Variants in GPHN observed in about 807,000 individuals in gnomAD.
GPHN encodes gephyrin.
GPHN carries 17 observed loss-of-function variants against 95.5 expected under a neutral mutation model. The observed-to-expected ratio is 0.18, with a 90% CI of 0.12 to 0.27. The LOEUF is 0.27. Among genes scored for constraint, GPHN ranks in the 10% least tolerant of loss-of-function variants. GPHN has a pLI of 1.00. For synonymous variants in GPHN, 320 were observed against 322.5 expected (o/e 0.99, Z 0.08); for missense variants, 660 against 978.1 (o/e 0.67, Z 4.34).
At chr14:66,598,520 C>T (rs924682121) in intron 1 of GPHN, among the ~76,000 whole-genome samples, 4 of 152,116 alleles carry the variant, frequency 2.6e-5, no homozygotes, top group African/African-American at 9.7e-5. Context: ...TTCACCTCCA[C>T]TTCTGTCCCT....
the GPHN span, among the ~76,000 whole-genome samples, chr14:67,655,164 A>AC: frequency 6.6e-6 from 1 of 151,628 alleles, no homozygotes; most frequent in African/African-American, 2.4e-5. Context: ...ACATAATGAG[A>AC]CCCCGTTTTT....
chr14:67,440,402 C>A, the GPHN span, among the ~76,000 whole-genome samples: 4 of 152,098 alleles, frequency 2.6e-5, no homozygotes, highest in South Asian at 8.3e-4. Flanking sequence ...TTACTGTCTC[C>A]CCCACCGAAA....
At chr14:67,583,982 C>T in the GPHN span, 3 of 1,614,004 alleles carry the variant, frequency 1.9e-6, no homozygotes, top group Non-Finnish European at 2.5e-6. Flanking sequence ...TTCTCTCCAT[C>T]TGCCCACACC....
chr14:67,270,535 A>G, the GPHN span: 4 of 151,492 alleles, frequency 2.6e-5, no homozygotes, highest in African/African-American at 9.7e-5. Context: ...TTTACACACA[A>G]TGAGGTAATT....
At chr14:66,615,070 G>T in intron 1 of GPHN, among the ~76,000 whole-genome samples, 1 of 152,196 alleles carries the variant, frequency 6.6e-6, no homozygotes, top group East Asian at 1.9e-4. Flanking sequence ...GCTGCATAGT[G>T]TTCCATGGTG....
chr14:66,818,080 T>C lies in GPHN; in HGVS notation c.202-6394T>C, dbSNP rs372678775. On this transcript the variant is annotated intron_variant, in intron 3 of 22. Coordinates refer to ENST00000478722, the MANE Select transcript of GPHN (RefSeq NM_020806.5). Reference sequence around the variant, plus strand: ...ACTAAGTATCAGAATGAAGAATGAATAAATGTTTATAATCCCTCTTTTTTT... The same window carrying C: ...ACTAAGTATCAGAATGAAGAATGAACAAATGTTTATAATCCCTCTTTTTTT... Among the ~76,000 whole-genome samples, 22 of 152,284 alleles carry C rather than the reference T, an allele frequency of 1.4e-4. No individual in the cohort carries two copies. In the East Asian group the frequency reaches 2.7e-3, roughly 19 times the overall value.
chr14:67,476,958 T>C, the GPHN span, among the ~76,000 whole-genome samples: 1 of 152,086 alleles, frequency 6.6e-6, no homozygotes, highest in Non-Finnish European at 1.5e-5. Flanking sequence ...AAACCCTGTC[T>C]CTACTAAAAA....
intron 2 of GPHN, among the ~76,000 whole-genome samples, chr14:66,764,042 T>C (rs1333034893): frequency 6.6e-6 from 1 of 152,210 alleles, no homozygotes; most frequent in African/African-American, 2.4e-5. Context: ...CCACTGATTT[T>C]ACATTGTGAT....
chr14:66,936,677 A>T (rs2067148694), intron 8 of GPHN, among the ~76,000 whole-genome samples: 1 of 152,238 alleles, frequency 6.6e-6, no homozygotes, highest in Admixed American at 6.5e-5. Context: ...TGTGCCAAAG[A>T]TTTTATTTAA....
chr14:66,880,774 T>C (rs1293349750), intron 5 of GPHN, among the ~76,000 whole-genome samples: 1 of 151,998 alleles, frequency 6.6e-6, no homozygotes, highest in East Asian at 1.9e-4. Flanking sequence ...TTTGTTGACA[T>C]AGATGTTGAT....
chr14:67,049,432 G>T (rs2153641427), intron 10 of GPHN, among the ~76,000 whole-genome samples: 1 of 151,400 alleles, frequency 6.6e-6, no homozygotes, highest in Middle Eastern at 3.5e-3. Flanking sequence ...GTTTCACCGT[G>T]TTAGCCAGGA....
the GPHN span, chr14:67,620,752 T>C: frequency 1.3e-6 from 1 of 741,736 alleles, no homozygotes; most frequent in Non-Finnish European, 2.3e-6. Context: ...ATTCCAACAA[T>C]GGAGTTGGAA....
intron 2 of GPHN, among the ~76,000 whole-genome samples, chr14:66,770,765 T>C (rs1007573865): frequency 7.9e-5 from 12 of 152,272 alleles, no homozygotes; most frequent in African/African-American, 2.9e-4. Context: ...AAAATATTAA[T>C]ATTGAGAGAA....
In GPHN at chr14:67,012,690, C is replaced by G. The variant is rs111990162; in HGVS notation, c.964-10943C>G. Among the ~76,000 whole-genome samples, 20 of 152,274 alleles carry G rather than the reference C, an allele frequency of 1.3e-4. 2 individuals carry two copies. Among genetic ancestry groups the G allele is most frequent in the African/African-American group, 4.6e-4 (19 of 41,566 alleles). On this transcript the variant is annotated intron_variant, in intron 9 of 22. Transcript: ENST00000478722. ...GTTGGATATGATAACAAATGCTCTA[C>G]ATGCATTAGCTTATTTTAGTCTCAC... is the stretch of plus-strand genomic sequence containing the variant.
At chr14:67,591,571 C>T in the GPHN span, among the ~76,000 whole-genome samples, 1 of 152,130 alleles carries the variant, frequency 6.6e-6, no homozygotes, top group African/African-American at 2.4e-5. Flanking sequence ...GGTCTCTTGT[C>T]ACCCAGGCTG....
chr14:67,145,733 C>G (rs191904245), intron 18 of GPHN, among the ~76,000 whole-genome samples: 1 of 152,250 alleles, frequency 6.6e-6, no homozygotes, highest in Non-Finnish European at 1.5e-5. Context: ...TGCTTCAGCC[C>G]AGGAGCTAAG....
Position 66,790,706 on chromosome 14 carries a change from G to A in GPHN, c.201+14185G>A, listed in dbSNP as rs575173765. The stretch of plus-strand genomic sequence containing the variant: ...GAGTTTGCACTGCCTGTGGCAGGGC[G>A]GGGAGGGTCAGGGAACTCAGGAGCT... On this transcript the variant is annotated intron_variant, in intron 3 of 22. Coordinates refer to ENST00000478722, the MANE Select transcript of GPHN (RefSeq NM_020806.5). Among the ~76,000 whole-genome samples the A allele has an allele frequency of 7.9e-4, 120 of 152,318 alleles. 2 individuals are homozygous for A. The South Asian group carries it at 8.7e-3, about 11-fold the overall frequency.
intron 17 of GPHN, among the ~76,000 whole-genome samples, chr14:67,135,521 A>G (rs773115463): frequency 3.3e-5 from 5 of 152,038 alleles, no homozygotes; most frequent in Non-Finnish European, 5.9e-5. Flanking sequence ...TTAATTTACT[A>G]TTTTCTAGTT....
the GPHN span, chr14:67,692,570 G>A: frequency 2.1e-5 from 34 of 1,600,128 alleles, no homozygotes; most frequent in African/African-American, 4.0e-5. Flanking sequence ...TCCACATCCC[G>A]GCAAGCTAAA....
Sources: allele counts gnomAD v4.1 joint callset (sites outside exome capture counted in the v4.1 genomes callset), GRCh38; gene constraint gnomAD v4.1.1; transcripts MANE v1.5; gene names NCBI Gene and HGNC (gene_info 2026-07-23, HGNC 2026-07-21).